Variants in PAPSS1 observed in about 807,000 individuals in gnomAD.
PAPSS1 encodes bifunctional 3'-phosphoadenosine 5'-phosphosulfate synthase 1.
PAPSS1 carries 50 observed loss-of-function variants against 72.0 expected under a neutral mutation model. That is an observed-to-expected ratio of 0.69 (90% CI 0.55 to 0.88). PAPSS1 has a LOEUF of 0.88. Among genes scored for constraint, PAPSS1 ranks in the 40% least tolerant of loss-of-function variants. The probability of loss-of-function intolerance (pLI) is 0.00; values close to 1 mark genes in which losing one functional copy is unlikely to be tolerated. For synonymous variants in PAPSS1, 261 were observed against 263.6 expected (o/e 0.99, Z 0.09); for missense variants, 657 against 782.2 (o/e 0.84, Z 1.91).
Position 107,614,156 on chromosome 4 carries a change from C to T in PAPSS1, c.*93G>A. On this transcript the variant is annotated 3_prime_UTR_variant, in exon 12 of 12. Transcript: ENST00000265174. ...ATGGTCTGTTTTTAGGAAGCATGTC[C>T]AGACAGACACCACAAAGAAATGCCA... is the stretch of plus-strand genomic sequence containing the variant. 3 of 1,336,638 alleles carry T rather than the reference C, an allele frequency of 2.2e-6. No individual in the cohort carries two copies. Among genetic ancestry groups the T allele is most frequent in the Non-Finnish European group, 3.1e-6 (3 of 964,778 alleles). The allele number at this position is 1,336,638 out of a possible 1,614,324, so 82.8% of individuals were successfully genotyped here.
chr4:107,658,634 A>G (rs1578403623), intron 6 of PAPSS1, among the ~76,000 whole-genome samples: 1 of 152,202 alleles, frequency 6.6e-6, no homozygotes, highest in Admixed American at 6.5e-5. Context: ...GCAGCCTACT[A>G]TTTATTCCCA....
At chr4:107,669,591 A>G (rs1259325062) in intron 5 of PAPSS1, among the ~76,000 whole-genome samples, 1 of 152,222 alleles carries the variant, frequency 6.6e-6, no homozygotes, top group East Asian at 1.9e-4. Flanking sequence ...AGCATTAACT[A>G]TCTGTTAAAT....
chr4:107,679,516 C>T (rs1727745542), intron 5 of PAPSS1, among the ~76,000 whole-genome samples: 1 of 152,010 alleles, frequency 6.6e-6, no homozygotes, highest in East Asian at 1.9e-4. Context: ...ATAAACACTA[C>T]CTCAATCTCT....
intron 5 of PAPSS1, among the ~76,000 whole-genome samples, chr4:107,672,326 G>A (rs1727506423): frequency 6.6e-6 from 1 of 152,224 alleles, no homozygotes; most frequent in African/African-American, 2.4e-5. Flanking sequence ...GTCAAAGAAA[G>A]GGGTGACACA....
chr4:107,689,624 A>G (rs77826058), intron 3 of PAPSS1, among the ~76,000 whole-genome samples: 221 of 152,298 alleles, frequency 1.5e-3, no homozygotes, highest in African/African-American at 4.9e-3. Context: ...CTTTTAAAGG[A>G]AAGTGTCAAT....
At chr4:107,638,900 T>C (rs1726459292) in intron 10 of PAPSS1, among the ~76,000 whole-genome samples, 1 of 152,190 alleles carries the variant, frequency 6.6e-6, no homozygotes, top group Admixed American at 6.5e-5. Context: ...ACTTGGAGAA[T>C]TCAAATAACA....
intron 4 of PAPSS1, among the ~76,000 whole-genome samples, chr4:107,683,812 G>A (rs1207061442): frequency 6.6e-6 from 1 of 152,050 alleles, no homozygotes; most frequent in Non-Finnish European, 1.5e-5. Context: ...AATCTTGTCT[G>A]TGCTGGAATA....
At chr4:107,628,976 A>G (rs59942968) in intron 11 of PAPSS1, among the ~76,000 whole-genome samples, 181 of 152,356 alleles carry the variant, frequency 1.2e-3, no homozygotes, top group African/African-American at 3.6e-3. Flanking sequence ...TCTGTCAGTC[A>G]AAGAGAGACA....
chr4:107,616,156 A>G (rs1051332321), intron 11 of PAPSS1, among the ~76,000 whole-genome samples: 2 of 152,186 alleles, frequency 1.3e-5, no homozygotes, highest in African/African-American at 4.8e-5. Context: ...GTTAAAAAAA[A>G]AAGAAGAAAT....
chr4:107,717,620 C>G (rs1723672064), intron 1 of PAPSS1, among the ~76,000 whole-genome samples: 1 of 152,170 alleles, frequency 6.6e-6, no homozygotes, highest in Admixed American at 6.6e-5. Flanking sequence ...TCATAATATT[C>G]ACCCTCAGAA....
chr4:107,719,887 G>A (rs1267352136), intron 1 of PAPSS1: 6 of 1,350,226 alleles, frequency 4.4e-6, no homozygotes, highest in Non-Finnish European at 2.8e-6. Context: ...CCCACGAACG[G>A]TGGCTCGGAC....
intron 11 of PAPSS1, among the ~76,000 whole-genome samples, chr4:107,620,240 A>G (rs1725920828): frequency 6.6e-6 from 1 of 152,248 alleles, no homozygotes; most frequent in Non-Finnish European, 1.5e-5. Flanking sequence ...GTGGTAACTT[A>G]TAAGTGAATC....
At chr4:107,622,974 A>G (rs781025585) in intron 11 of PAPSS1, among the ~76,000 whole-genome samples, 16 of 152,248 alleles carry the variant, frequency 1.1e-4, no homozygotes, top group Non-Finnish European at 2.4e-4. Context: ...CCTTCATTTA[A>G]TATAACAATT....
intron 5 of PAPSS1, among the ~76,000 whole-genome samples, chr4:107,669,687 C>A (rs972947155): frequency 2.6e-5 from 4 of 152,106 alleles, no homozygotes; most frequent in African/African-American, 9.7e-5. Flanking sequence ...AAGCATGTAA[C>A]AAATATTGAA....
At chr4:107,672,186 G>A (rs1158052995) in intron 5 of PAPSS1, among the ~76,000 whole-genome samples, 1 of 152,188 alleles carries the variant, frequency 6.6e-6, no homozygotes, top group African/African-American at 2.4e-5. Flanking sequence ...GAGGCACCGG[G>A]CGCATCTCAC....
At chr4:107,697,873 G>T (rs974944561) in intron 2 of PAPSS1, among the ~76,000 whole-genome samples, 1 of 152,096 alleles carries the variant, frequency 6.6e-6, no homozygotes, top group African/African-American at 2.4e-5. Context: ...GGATTAGGGT[G>T]ATCCAACAGC....
At chr4:107,715,239 C>T (rs1267376932) in intron 1 of PAPSS1, among the ~76,000 whole-genome samples, 2 of 152,218 alleles carry the variant, frequency 1.3e-5, no homozygotes, top group Admixed American at 6.5e-5. Flanking sequence ...ACAAGTGGAT[C>T]GTGAACCGGA....
intron 5 of PAPSS1, among the ~76,000 whole-genome samples, chr4:107,672,457 G>A (rs1727512318): frequency 6.6e-6 from 1 of 152,188 alleles, no homozygotes; most frequent in Non-Finnish European, 1.5e-5. Flanking sequence ...TGCCCACGGA[G>A]CCTCGCTCAT....
intron 2 of PAPSS1, among the ~76,000 whole-genome samples, chr4:107,699,943 A>G (rs1723166028): frequency 6.6e-6 from 1 of 152,180 alleles, no homozygotes; most frequent in Non-Finnish European, 1.5e-5. Context: ...CCATTCAAAT[A>G]AAGAGCTCAT....
Sources: gnomAD v4.1 joint callset for allele counts (sites outside exome capture counted in the v4.1 genomes callset) on GRCh38, gnomAD v4.1.1 for gene constraint, MANE v1.5 for transcripts, NCBI Gene and HGNC (gene_info 2026-07-23, HGNC 2026-07-21) for gene names.